The following IL1RAPL1 variants were observed in gnomAD, a reference collection of about 807,000 sequenced individuals.
IL1RAPL1 encodes the protein interleukin-1 receptor accessory protein-like 1.
Under a neutral mutation model 48.4 loss-of-function variants are expected in IL1RAPL1, and 3 were observed. The ratio of observed to expected loss-of-function variants is 0.06; its 90% confidence interval spans 0.03 to 0.16. The LOEUF (loss-of-function observed/expected upper bound fraction) is 0.16, where lower values mean the gene tolerates loss of function less well. Among genes scored for constraint, IL1RAPL1 ranks in the 10% least tolerant of loss-of-function variants. The pLI is 1.00. For synonymous variants in IL1RAPL1, 185 were observed against 187.7 expected (o/e 0.99, Z 0.12); for missense variants, 349 against 530.6 (o/e 0.66, Z 3.36).
chrX:29,058,236 G>A (rs1449403948), intron 2 of IL1RAPL1, among the ~76,000 whole-genome samples: 1 of 110,500 alleles, frequency 9.0e-6, no homozygotes. Flanking sequence ...AATTAGCTGG[G>A]CGTGGTGGCA....
At chrX:28,790,105 T>TA (rs1277842571) in intron 2 of IL1RAPL1, among the ~76,000 whole-genome samples, 1 of 112,289 alleles carries the variant, frequency 8.9e-6, no homozygotes, top group Non-Finnish European at 1.9e-5. Flanking sequence ...TCTTGTCTAG[T>TA]AAGTCACTAA....
At chrX:29,319,160 G>GTCTGTCTGTCTGTCTGTCTATCTATCTA (rs370282992) in intron 3 of IL1RAPL1, among the ~76,000 whole-genome samples, 1 of 84,988 alleles carries the variant, frequency 1.2e-5, no homozygotes, top group African/African-American at 4.6e-5. Flanking sequence ...CTATCTGTCT[G>GTCTGTCTGTCTGTCTGTCTATCTATCTA]TCTATCTATC....
At chrX:29,015,503 G>A (rs963697432) in intron 2 of IL1RAPL1, among the ~76,000 whole-genome samples, 2 of 110,776 alleles carry the variant, frequency 1.8e-5, no homozygotes, top group Non-Finnish European at 3.8e-5. Flanking sequence ...AGAAGAATAT[G>A]TCACAACAGA....
At chrX:29,087,796 G>A (rs1307359735) in intron 2 of IL1RAPL1, among the ~76,000 whole-genome samples, 2 of 112,238 alleles carry the variant, frequency 1.8e-5, no homozygotes, top group African/African-American at 3.2e-5. Context: ...AACTTGGGAG[G>A]CCAAGGCCAA....
intron 5 of IL1RAPL1, among the ~76,000 whole-genome samples, chrX:29,580,053 C>G (rs1365667795): frequency 1.8e-5 from 2 of 110,665 alleles, no homozygotes; most frequent in Non-Finnish European, 3.8e-5. Flanking sequence ...CACCACTACC[C>G]CTTCTCCCCA....
intron 6 of IL1RAPL1, among the ~76,000 whole-genome samples, chrX:29,875,764 G>GT (rs2147211899): frequency 8.9e-6 from 1 of 112,099 alleles, no homozygotes; most frequent in African/African-American, 3.2e-5. Flanking sequence ...AAGTAATTAT[G>GT]GAAAAACCAT....
intron 2 of IL1RAPL1, among the ~76,000 whole-genome samples, chrX:29,106,308 C>A (rs1268199574): frequency 2.7e-5 from 3 of 111,333 alleles, no homozygotes; most frequent in African/African-American, 9.8e-5. Flanking sequence ...ACCTTTCATT[C>A]TCCCTTTCCA....
chrX:29,654,877 A>G (rs1054101728), intron 5 of IL1RAPL1, among the ~76,000 whole-genome samples: 1 of 112,403 alleles, frequency 8.9e-6, no homozygotes, highest in Non-Finnish European at 1.9e-5. Flanking sequence ...TGTCATTCTA[A>G]AGAACATCTC....
rs757695929 is a variant in IL1RAPL1 at position 28,619,504 on chromosome X, G to A, written c.-25+31457G>A. ...TGCTTGCAGTCCCAGCTACTTGGGA[G>A]GTTGAGATGGGAGGATTGCTGGAGC... is the stretch of plus-strand genomic sequence containing the variant. On this transcript the variant is annotated intron_variant, in intron 1 of 10. Coordinates refer to ENST00000378993, the MANE Select transcript of IL1RAPL1 (RefSeq NM_014271.4). Among the ~76,000 whole-genome samples the A allele has an allele frequency of 3.7e-5, 4 of 107,892 alleles. No homozygotes were observed. The East Asian group carries it at 1.2e-3, about 32-fold the overall frequency. The allele number at this position is 107,892 out of a possible 115,157, so 93.7% of individuals were successfully genotyped here.
At chrX:28,648,853 G>A (rs758297798) in intron 1 of IL1RAPL1, among the ~76,000 whole-genome samples, 1 of 112,039 alleles carries the variant, frequency 8.9e-6, no homozygotes, top group South Asian at 3.7e-4. Flanking sequence ...CTCAGGGAAA[G>A]TAATGACAGT....
chrX:29,885,703 G>T (rs190855689), intron 6 of IL1RAPL1, among the ~76,000 whole-genome samples: 252 of 111,283 alleles, frequency 2.3e-3, no homozygotes, highest in Non-Finnish European at 3.5e-3. Flanking sequence ...CCCGTAGTCC[G>T]AGCTACTCGG....
intron 2 of IL1RAPL1, among the ~76,000 whole-genome samples, chrX:29,097,745 C>T (rs1406565909): frequency 8.9e-6 from 1 of 111,876 alleles, no homozygotes; most frequent in Non-Finnish European, 1.9e-5. Flanking sequence ...ACAATGCTCA[C>T]AGGCTTTACT....
At chrX:29,953,049 T>A (rs1933348814) in intron 9 of IL1RAPL1, among the ~76,000 whole-genome samples, 1 of 111,995 alleles carries the variant, frequency 8.9e-6, no homozygotes, top group Admixed American at 9.5e-5. Flanking sequence ...GTCCTTGAAG[T>A]CAAAAGGATT....
chrX:29,684,284 T>C (rs1926552937), intron 6 of IL1RAPL1, among the ~76,000 whole-genome samples: 1 of 111,848 alleles, frequency 8.9e-6, no homozygotes, highest in Non-Finnish European at 1.9e-5. Context: ...CTCTGCTTCA[T>C]GGATGATGCC....
chrX:29,200,985 C>A (rs1930543684), intron 2 of IL1RAPL1, among the ~76,000 whole-genome samples: 1 of 111,141 alleles, frequency 9.0e-6, no homozygotes, highest in Non-Finnish European at 1.9e-5. Context: ...CTGCCACCCT[C>A]CACCCTCTGA....
At chrX:29,049,085 G>T (rs1002830032) in intron 2 of IL1RAPL1, among the ~76,000 whole-genome samples, 2 of 112,218 alleles carry the variant, frequency 1.8e-5, no homozygotes, top group Non-Finnish European at 3.8e-5. Flanking sequence ...CTAGCAATCT[G>T]TCTAAAACCT....
intron 1 of IL1RAPL1, among the ~76,000 whole-genome samples, chrX:28,679,209 T>C (rs1935031142): frequency 8.9e-6 from 1 of 112,281 alleles, no homozygotes; most frequent in African/African-American, 3.2e-5. Context: ...CAACTTTTCA[T>C]ATTATCTGTT....
At chrX:29,452,617 A>G (rs769310246) in intron 5 of IL1RAPL1, among the ~76,000 whole-genome samples, 2 of 111,581 alleles carry the variant, frequency 1.8e-5, no homozygotes, top group African/African-American at 6.5e-5. Flanking sequence ...CAGGCTTATC[A>G]GCTCAATGAG....
At chrX:29,664,811 A>AGATAGGGAT (rs1448675073) in intron 5 of IL1RAPL1, among the ~76,000 whole-genome samples, 1 of 112,172 alleles carries the variant, frequency 8.9e-6, no homozygotes, top group Non-Finnish European at 1.9e-5. Flanking sequence ...AAGTTAATAT[A>AGATAGGGAT]GATAGGGAAT....
Sources: gnomAD v4.1 joint callset for allele counts (sites outside exome capture counted in the v4.1 genomes callset) on GRCh38, gnomAD v4.1.1 for gene constraint, MANE v1.5 for transcripts, NCBI Gene and HGNC (gene_info 2026-07-23, HGNC 2026-07-21) for gene names.